ACBD6: variants seen among roughly 807,000 people sequenced by gnomAD.
The protein encoded by ACBD6 is acyl-CoA binding domain containing 6.
Under a neutral mutation model 37.2 loss-of-function variants are expected in ACBD6, and 28 were observed. The observed-to-expected ratio is 0.75, with a 90% CI of 0.56 to 1.03. The LOEUF (loss-of-function observed/expected upper bound fraction) is 1.03. Ranked by LOEUF, ACBD6 falls within the 50% of genes least tolerant of loss-of-function variation. The probability of loss-of-function intolerance (pLI) is 0.00; values close to 1 mark genes in which losing one functional copy is unlikely to be tolerated. For missense variants in ACBD6, 340 were observed against 337.4 expected (o/e 1.01, Z -0.06); for synonymous variants, 113 against 126.8 (o/e 0.89, Z 0.73).
intron 6 of ACBD6, among the ~76,000 whole-genome samples, chr1:180,355,647 C>T (rs1057076255): frequency 7.9e-5 from 12 of 151,964 alleles, no homozygotes; most frequent in East Asian, 3.9e-4. Context: ...CTTTCTTTTT[C>T]CACAGTAATG....
In ACBD6 at chr1:180,361,698, C is replaced by T. The variant is rs531806088; in HGVS notation, c.663+35818G>A. 7.9e-5 allele frequency among the ~76,000 whole-genome samples: 12 copies of T among 152,128 alleles called. No individual in the cohort carries two copies. In the East Asian group the frequency reaches 2.3e-3, roughly 29 times the overall value. On this transcript the variant is annotated intron_variant, in intron 6 of 7. Transcript: ENST00000367595. ...TATTCCCAAGCCATGCAGATAAATG[C>T]CTATAATGGGGTAAAACCCCACATT...
At chr1:180,482,736 G>T (rs993115510) in intron 3 of ACBD6, among the ~76,000 whole-genome samples, 1 of 152,104 alleles carries the variant, frequency 6.6e-6, no homozygotes, top group Non-Finnish European at 1.5e-5. Flanking sequence ...TCAGACAAAC[G>T]TTCAATTTTC....
At chr1:180,427,224 C>T (rs1648617227) in intron 4 of ACBD6, among the ~76,000 whole-genome samples, 1 of 152,092 alleles carries the variant, frequency 6.6e-6, no homozygotes, top group Admixed American at 6.5e-5. Flanking sequence ...TAGTGATTTG[C>T]CTGATCTTTA....
intron 6 of ACBD6, among the ~76,000 whole-genome samples, chr1:180,350,271 C>T (rs1217723707): frequency 2.6e-5 from 4 of 152,218 alleles, no homozygotes; most frequent in East Asian, 1.9e-4. Flanking sequence ...TAAGCTCAAG[C>T]GATTCTTCCA....
chr1:180,306,247 A>G (rs1228407375), intron 7 of ACBD6, among the ~76,000 whole-genome samples: 1 of 151,390 alleles, frequency 6.6e-6, no homozygotes, highest in East Asian at 1.9e-4. Context: ...TTAAAGTATA[A>G]TAATAAAAAA....
chr1:180,430,085 GTACACATATAC>G lies in ACBD6; in HGVS notation c.467+84_467+94del, dbSNP rs1433387855. The G allele has an allele frequency of 6.8e-6, 7 of 1,023,704 alleles. No individual in the cohort carries two copies. The African/African-American group carries it at 1.1e-4, about 16-fold the overall frequency. 63.4% of individuals were successfully genotyped at this position (1,023,704 alleles called of 1,614,324 possible). ...AAGATTTCAGGATTAAAAATATATA[GTACACATATAC>G]ACATACATAAGCACATACATACAAA... On this transcript the variant is annotated intron_variant, in intron 4 of 7. Transcript: ENST00000367595.
intron 7 of ACBD6, among the ~76,000 whole-genome samples, chr1:180,295,261 G>A (rs1328703453): frequency 1.4e-5 from 2 of 141,448 alleles, no homozygotes; most frequent in African/African-American, 5.1e-5. Flanking sequence ...TGGTTTAGCT[G>A]CATCCTGCAA....
Position 180,271,998 on chromosome 1 carries a change from G to A in ACBD6, c.*1254-27C>T, listed in dbSNP as rs1648698346. 2.5e-6 allele frequency: 4 copies of A among 1,612,324 alleles called. No homozygotes were observed. The highest frequency in any genetic ancestry group is 3.4e-6 in the Non-Finnish European group (4 of 1,179,562). The stretch of plus-strand genomic sequence containing the variant: ...TGTGGGGTTAGTGACAGTGAGCTGA[G>A]CTTCCGAGGTGAGCAGGGCTGGAGG... On this transcript the variant is annotated intron_variant, in intron 13 of 13. Transcript: ENST00000642319.
intron 3 of ACBD6, among the ~76,000 whole-genome samples, chr1:180,432,667 T>C (rs1187376409): frequency 6.6e-6 from 1 of 152,100 alleles, no homozygotes; most frequent in African/African-American, 2.4e-5. Context: ...AAATGAGCTA[T>C]TCTAGGTTAA....
intron 3 of ACBD6, among the ~76,000 whole-genome samples, chr1:180,459,236 A>C (rs73048241): frequency 0.038 from 5,734 of 152,300 alleles, 299 homozygotes; most frequent in African/African-American, 0.11. Context: ...TAATGTTTCT[A>C]AATTTGAAAC....
intron 3 of ACBD6, among the ~76,000 whole-genome samples, chr1:180,440,272 C>G (rs935124157): frequency 6.6e-6 from 1 of 152,044 alleles, no homozygotes; most frequent in Non-Finnish European, 1.5e-5. Flanking sequence ...TGACACCCGA[C>G]TAATTTTTGC....
chr1:180,502,123 C>G lies in ACBD6; in HGVS notation c.144G>C (p.Lys48Asn), dbSNP rs1427029336. 2 of 1,613,950 alleles carry G rather than the reference C, an allele frequency of 1.2e-6. No individual in the cohort carries two copies. The highest frequency in any genetic ancestry group is 1.7e-6 in the Non-Finnish European group (2 of 1,179,986). ...TCAGGCCTTGCAGGTGCGCGGCAGC[C>G]TTCTCAAACAGCTCGGCCAGGCAAC... ...ETSCLAELFE[K>N]AAAHLQGLIQ... The change falls in exon 1 of 8, where the codon AAG becomes AAC. Residue 48 changes from lysine to asparagine, a missense_variant. Coordinates refer to ENST00000367595, the MANE Select transcript of ACBD6 (RefSeq NM_032360.4).
intron 6 of ACBD6, among the ~76,000 whole-genome samples, chr1:180,355,734 C>T (rs1286517535): frequency 6.6e-6 from 1 of 152,176 alleles, no homozygotes; most frequent in Non-Finnish European, 1.5e-5. Context: ...AGTCTCCCAT[C>T]CCTTTTGCAA....
chr1:180,273,477 G>C (rs2149268031), intron 11 of ACBD6: 1 of 152,626 alleles, frequency 6.6e-6, no homozygotes, highest in South Asian at 2.1e-4. Flanking sequence ...TGGTTTCTCT[G>C]GGAATAATTT....
chr1:180,322,041 T>C (rs1474495218), intron 6 of ACBD6, among the ~76,000 whole-genome samples: 1 of 152,102 alleles, frequency 6.6e-6, no homozygotes, highest in Non-Finnish European at 1.5e-5. Context: ...GTTCCTTCTA[T>C]ATCTAGCTTG....
intron 7 of ACBD6, among the ~76,000 whole-genome samples, chr1:180,303,009 G>T (rs1227238287): frequency 6.6e-6 from 1 of 152,012 alleles, no homozygotes; most frequent in Non-Finnish European, 1.5e-5. Flanking sequence ...ATGACTATTG[G>T]GTACAAAACG....
chr1:180,331,434 T>C (rs1444165863), intron 6 of ACBD6, among the ~76,000 whole-genome samples: 1 of 152,226 alleles, frequency 6.6e-6, no homozygotes, highest in Non-Finnish European at 1.5e-5. Flanking sequence ...ATCAAACTTA[T>C]ATAATCAGAA....
At chr1:180,336,100 C>T (rs1241759253) in intron 6 of ACBD6, among the ~76,000 whole-genome samples, 6 of 150,666 alleles carry the variant, frequency 4.0e-5, no homozygotes, top group Non-Finnish European at 5.9e-5. Flanking sequence ...TTAGACAGAT[C>T]AATGAGACAG....
At chr1:180,470,260 A>G (rs2102055849) in intron 3 of ACBD6, among the ~76,000 whole-genome samples, 1 of 152,278 alleles carries the variant, frequency 6.6e-6, no homozygotes, top group African/African-American at 2.4e-5. Flanking sequence ...ACCTAAACAT[A>G]AAGATAAAAA....
Sources: gnomAD v4.1 joint callset for allele counts (sites outside exome capture counted in the v4.1 genomes callset) on GRCh38, gnomAD v4.1.1 for gene constraint, MANE v1.5 for transcripts, NCBI Gene and HGNC (gene_info 2026-07-23, HGNC 2026-07-21) for gene names.